The following CHSY3 variants were observed in gnomAD, a reference collection of about 807,000 sequenced individuals.
The protein encoded by CHSY3 is N-acetylgalactosaminyl-proteoglycan 3-beta-glucuronosyltransferase 3.
A neutral mutation model predicts 67.2 loss-of-function variants in CHSY3; 35 were observed. That is an observed-to-expected ratio of 0.52 (90% CI 0.40 to 0.69). The LOEUF (loss-of-function observed/expected upper bound fraction) is 0.69. CHSY3 is among the 30% of genes least tolerant of loss of function. CHSY3 has a pLI of 0.00. For missense variants in CHSY3, 1,069 were observed against 1,138.5 expected (o/e 0.94, Z 0.88); for synonymous variants, 474 against 434.7 (o/e 1.09, Z -1.12).
intron 2 of CHSY3, among the ~76,000 whole-genome samples, chr5:130,022,928 G>A (rs1279754186): frequency 1.3e-5 from 2 of 151,938 alleles, no homozygotes; most frequent in Non-Finnish European, 2.9e-5. Flanking sequence ...AAAATTCGGA[G>A]TATAAAAATA....
At chr5:130,102,508 T>C (rs935341235) in intron 2 of CHSY3, among the ~76,000 whole-genome samples, 4 of 151,716 alleles carry the variant, frequency 2.6e-5, no homozygotes, top group African/African-American at 9.7e-5. Context: ...AAATGACTAG[T>C]GAGCAATAAT....
chr5:129,932,764 T>A (rs1014161091), intron 2 of CHSY3, among the ~76,000 whole-genome samples: 2 of 152,172 alleles, frequency 1.3e-5, no homozygotes, highest in Admixed American at 6.6e-5. Context: ...AGTCTTTTTT[T>A]TTTAAAGGCA....
At chr5:129,946,743 T>C (rs1282717997) in intron 2 of CHSY3, among the ~76,000 whole-genome samples, 1 of 152,208 alleles carries the variant, frequency 6.6e-6, no homozygotes, top group African/African-American at 2.4e-5. Context: ...ATCCATGTTG[T>C]TGCAAATGGC....
At chr5:129,988,523 A>C (rs1440604257) in intron 2 of CHSY3, among the ~76,000 whole-genome samples, 2 of 152,220 alleles carry the variant, frequency 1.3e-5, no homozygotes, top group African/African-American at 4.8e-5. Context: ...TTCAGAGCAC[A>C]CAAACAAATC....
intron 2 of CHSY3, among the ~76,000 whole-genome samples, chr5:130,035,358 G>T (rs1421554725): frequency 1.3e-5 from 2 of 152,104 alleles, no homozygotes; most frequent in Admixed American, 1.3e-4. Context: ...CTGCCTTCAA[G>T]ATTTCTGGTA....
In CHSY3 at chr5:130,046,651, C is replaced by T. The variant is rs563422858; in HGVS notation, c.1087-137578C>T. Among the ~76,000 whole-genome samples, 54 of 152,152 alleles carry T rather than the reference C, an allele frequency of 3.5e-4. 1 individual carries two copies. In the South Asian group the frequency reaches 7.3e-3, roughly 20 times the overall value. On this transcript the variant is annotated intron_variant, in intron 2 of 2. Coordinates refer to ENST00000305031, the MANE Select transcript of CHSY3 (RefSeq NM_175856.5). ...TTGTCAATTAGAATGTGCTAATCATCGGCATTGGAACAACAGGGAAACTAA... is the reference window on the plus strand; with the variant it reads ...TTGTCAATTAGAATGTGCTAATCATTGGCATTGGAACAACAGGGAAACTAA...
chr5:130,148,670 A>T (rs1218027513), intron 2 of CHSY3, among the ~76,000 whole-genome samples: 2 of 152,024 alleles, frequency 1.3e-5, no homozygotes, highest in African/African-American at 4.8e-5. Flanking sequence ...CTTTTTTCAT[A>T]TGCTTATTGG....
intron 2 of CHSY3, among the ~76,000 whole-genome samples, chr5:130,121,040 C>T (rs76300722): frequency 6.6e-6 from 1 of 152,144 alleles, no homozygotes; most frequent in African/African-American, 2.4e-5. Flanking sequence ...CCTACTGTTC[C>T]GTTTGGGCTG....
intron 2 of CHSY3, among the ~76,000 whole-genome samples, chr5:130,036,802 G>T (rs991833919): frequency 6.6e-6 from 1 of 152,022 alleles, no homozygotes; most frequent in African/African-American, 2.4e-5. Context: ...GCTGTGGGTG[G>T]GTGTTTGTGT....
At chr5:130,025,253 G>A (rs1203844986) in intron 2 of CHSY3, among the ~76,000 whole-genome samples, 1 of 152,078 alleles carries the variant, frequency 6.6e-6, no homozygotes, top group Non-Finnish European at 1.5e-5. Flanking sequence ...TTTCTCTAAG[G>A]AATTAACCTT....
Position 130,185,328 on chromosome 5 carries a change from A to G in CHSY3, c.2186A>G (p.Gln729Arg), listed in dbSNP as rs1004695511. 1.9e-6 allele frequency: 3 copies of G among 1,610,318 alleles called. No individual in the cohort carries two copies. In the African/African-American group the frequency reaches 4.0e-5, roughly 22 times the overall value. Reference sequence around the variant, plus strand: ...TTGATCTTCAGAGAAGATTTTCTCCAACGATGTAGAGACAATACAATTCAG... The same window carrying G: ...TTGATCTTCAGAGAAGATTTTCTCCGACGATGTAGAGACAATACAATTCAG... ...VDLIFREDFL[Q>R]RCRDNTIQGQ... The change falls in exon 3 of 3, where the codon CAA becomes CGA. Residue 729 changes from glutamine (Q) to arginine (R), a missense_variant. By Grantham distance (43) the Gln-to-Arg change is conservative. Around this residue, in one of 5 missense-constraint regions of CHSY3, gnomAD observed 401 missense variants for 395.2 expected, o/e 1.01. Coordinates refer to ENST00000305031, the MANE Select transcript of CHSY3 (RefSeq NM_175856.5).
At chr5:129,913,008 C>T (rs1426768864) in intron 2 of CHSY3, among the ~76,000 whole-genome samples, 4 of 152,196 alleles carry the variant, frequency 2.6e-5, no homozygotes, top group African/African-American at 9.6e-5. Context: ...AATTTATTGG[C>T]CTCTCCTGTT....
chr5:129,905,077 T>G lies in CHSY3; in HGVS notation c.248T>G (p.Leu83Arg). The G allele has an allele frequency of 2.6e-6, 4 of 1,544,552 alleles. No individual in the cohort carries two copies. Among genetic ancestry groups the G allele is most frequent in the Non-Finnish European group, 1.7e-6 (2 of 1,151,392 alleles). Residue 83 changes from leucine (L) to arginine (R), a missense_variant, in exon 1 of 3, where the codon CTC becomes CGC. Leu to Arg is a moderately radical substitution (Grantham distance 102, BLOSUM62 -2). Coordinates refer to ENST00000305031, the MANE Select transcript of CHSY3 (RefSeq NM_175856.5). ...TCGCCGCCCCCCGCGCGCCAGGATC[T>G]CCAGGGGCCACCGCTGCCCGAGGCA... ...EQSPPPARQD[L>R]QGPPLPEAAP...
chr5:130,143,756 A>ATATATATATATGTGTGTGTGTG (rs1433405052), intron 2 of CHSY3, among the ~76,000 whole-genome samples: 16 of 101,912 alleles, frequency 1.6e-4, no homozygotes, highest in African/African-American at 7.2e-4. Context: ...ATATATATAT[A>ATATATATATATGTGTGTGTGTG]TGTGTGTGTG....
At chr5:129,916,571 C>T (rs1290185695) in intron 2 of CHSY3, among the ~76,000 whole-genome samples, 1 of 151,836 alleles carries the variant, frequency 6.6e-6, no homozygotes, top group Non-Finnish European at 1.5e-5. Flanking sequence ...ACCCATTGTA[C>T]AGAAATAATG....
chr5:130,044,732 A>T (rs1765095813), intron 2 of CHSY3, among the ~76,000 whole-genome samples: 1 of 152,128 alleles, frequency 6.6e-6, no homozygotes, highest in Non-Finnish European at 1.5e-5. Context: ...TGTTAGGACT[A>T]GGGTATCATT....
At chr5:130,020,645 GTTCCCAGACAAT>G (rs1764364393) in intron 2 of CHSY3, among the ~76,000 whole-genome samples, 1 of 151,486 alleles carries the variant, frequency 6.6e-6, no homozygotes, top group Admixed American at 6.6e-5. Context: ...AAAAATGTGA[GTTCCCAGACAAT>G]TTCCCAGACA....
At chr5:129,907,404 T>C (rs1760349041) in intron 1 of CHSY3, among the ~76,000 whole-genome samples, 1 of 152,184 alleles carries the variant, frequency 6.6e-6, no homozygotes, top group African/African-American at 2.4e-5. Flanking sequence ...GGTGACTCTC[T>C]ACTTATTCCA....
intron 2 of CHSY3, among the ~76,000 whole-genome samples, chr5:130,176,664 TA>T (rs1055028332): frequency 3.3e-5 from 5 of 152,006 alleles, no homozygotes; most frequent in Admixed American, 1.3e-4. Flanking sequence ...TATGCAGCCA[TA>T]AAAAAGGATG....
Sources: allele counts gnomAD v4.1 joint callset (sites outside exome capture counted in the v4.1 genomes callset), GRCh38; gene constraint gnomAD v4.1.1; regional missense constraint gnomAD v4.1.1; transcripts MANE v1.5; gene names NCBI Gene and HGNC (gene_info 2026-07-23, HGNC 2026-07-21).